The following TMTC4 variants were observed in gnomAD, a reference collection of about 807,000 sequenced individuals.
The protein encoded by TMTC4 is protein O-mannosyl-transferase TMTC4.
A neutral mutation model predicts 86.0 loss-of-function variants in TMTC4; 65 were observed. The ratio of observed to expected loss-of-function variants is 0.76; its 90% CI spans 0.62 to 0.93. The LOEUF (loss-of-function observed/expected upper bound fraction) is 0.93. TMTC4 is among the 40% of genes least tolerant of loss of function. The pLI, the probability that TMTC4 is intolerant of heterozygous loss-of-function variation, is 0.00. For missense variants in TMTC4, 866 were observed against 948.1 expected, an observed-to-expected ratio of 0.91 and a Z score of 1.14; for synonymous variants, 379 against 382.5, an observed-to-expected ratio of 0.99 and a Z score of 0.11.
intron 6 of TMTC4, 149 bp from the exon 7 acceptor site, chr13:100,642,460 G>A: frequency 1.3e-6 from 1 of 797,810 alleles, no homozygotes; most frequent in South Asian, 1.7e-5. Context: ...CTGTGGGCAA[G>A]AGTGCATTAG....
At chr13:100,620,422 T>C (rs1224049886) in intron 15 of TMTC4, among the ~76,000 whole-genome samples, 1 of 152,210 alleles carries the variant, frequency 6.6e-6, no homozygotes, top group Non-Finnish European at 1.5e-5. Flanking sequence ...GCTCCAGAGA[T>C]TGTAACCTCT....
chr13:100,613,846 C>A (rs950990927), intron 16 of TMTC4, among the ~76,000 whole-genome samples: 9 of 140,038 alleles, frequency 6.4e-5, no homozygotes, highest in African/African-American at 1.0e-4. Flanking sequence ...CCCGCCCCCC[C>A]CTTTTTTTTT....
At chr13:100,606,065 T>A (rs1876536353) in intron 18 of TMTC4, among the ~76,000 whole-genome samples, 1 of 152,188 alleles carries the variant, frequency 6.6e-6, no homozygotes, top group Admixed American at 6.5e-5. Flanking sequence ...AACCATAGCC[T>A]CATTCTCTTG....
rs184407252 is a variant in TMTC4 at position 100,633,223 on chromosome 13, C to T, written c.1506+1582G>A. Among the ~76,000 whole-genome samples the T allele has an allele frequency of 3.6e-3, 514 of 143,530 alleles. 6 individuals are homozygous for T. The highest frequency in any genetic ancestry group is 0.012 in the African/African-American group (464 of 39,178). 94.2% of individuals were successfully genotyped at this position (143,530 alleles called of 152,430 possible). A position where few individuals can be genotyped will look rare whatever the true frequency, so the allele number is the denominator to read the frequency against. On this transcript the variant is annotated intron_variant, in intron 12 of 18. Coordinates refer to ENST00000342624, the MANE Select transcript of TMTC4 (RefSeq NM_032813.5). ...ACTCGGGAGGCTGAGGCAGGAGAAT[C>T]GCTTGAACCTGGGAGGCGGAGGTTG...
intron 1 of TMTC4, chr13:100,674,408 G>C: frequency 1.1e-6 from 1 of 933,702 alleles, no homozygotes. Context: ...CCGGGCCGAG[G>C]GAGCGCCGGC....
Position 100,605,104 on chromosome 13 carries a change from T to C in TMTC4, c.2173A>G (p.Lys725Glu), listed in dbSNP as rs775331039. The C allele has an allele frequency of 4.4e-5, 71 of 1,613,602 alleles. No individual in the cohort carries two copies. The highest frequency in any genetic ancestry group is 5.9e-5 in the Non-Finnish European group (70 of 1,179,886). The change falls in exon 19 of 19, where the codon AAG (lysine) becomes GAG (glutamate). Residue 725 changes from lysine (K) to glutamate (E), a missense_variant. Coordinates refer to ENST00000342624, the MANE Select transcript of TMTC4 (RefSeq NM_032813.5). The surrounding 1 kb of genome is among the most constrained non-coding windows in gnomAD (Gnocchi z 4.3). Reference sequence around the variant, plus strand: ...TGCAAGGAGATTTCATAGTGTTTCTTGGCCAAGTCTAGATGTCCCCAACGA... The same window carrying C: ...TGCAAGGAGATTTCATAGTGTTTCTCGGCCAAGTCTAGATGTCCCCAACGA... ...YHRWGHLDLA[K>E]KHYEISLQLD...
chr13:100,616,004 GATTT>G (rs1288418025), intron 15 of TMTC4, among the ~76,000 whole-genome samples: 1 of 151,674 alleles, frequency 6.6e-6, no homozygotes, highest in Non-Finnish European at 1.5e-5. Flanking sequence ...TCTGTTCCTG[GATTT>G]ATTTCCTTAG....
intron 12 of TMTC4, 137 bp downstream of exon 12, chr13:100,634,668 C>T: frequency 1.9e-6 from 2 of 1,079,106 alleles, no homozygotes; most frequent in Non-Finnish European, 2.5e-6. Context: ...AAAAACCATA[C>T]ATAACAAAGA....
chr13:100,642,415 T>C, intron 6 of TMTC4, 104 bp from the exon 7 acceptor site: 2 of 1,306,336 alleles, frequency 1.5e-6, no homozygotes, highest in South Asian at 1.3e-5. Flanking sequence ...CAACCATAAC[T>C]TAAAAACAGG....
At chr13:100,668,987 G>C (rs1407564768) in intron 2 of TMTC4, among the ~76,000 whole-genome samples, 193 bp from the exon 3 acceptor site, 1 of 152,186 alleles carries the variant, frequency 6.6e-6, no homozygotes, top group Non-Finnish European at 1.5e-5. Context: ...AGATTCCTGG[G>C]TCCGACCACA....
chr13:100,636,518 G>A lies in TMTC4; in HGVS notation c.1202+14C>T. The stretch of plus-strand genomic sequence containing the variant: ...CAACCAGCGTGGAACTTAAGATTCA[G>A]TGCTGCCTCTTACCTTCTCTTGTGG... On this transcript the variant is annotated intron_variant, in intron 10 of 18. Coordinates refer to ENST00000342624, the MANE Select transcript of TMTC4 (RefSeq NM_032813.5). 6.2e-7 allele frequency: 1 copy of A among 1,614,062 alleles called. No individual in the cohort carries two copies. The highest frequency in any genetic ancestry group is 8.5e-7 in the Non-Finnish European group (1 of 1,180,014).
chr13:100,670,785 C>CAA, intron 1 of TMTC4: 1 of 163,018 alleles, frequency 6.1e-6, no homozygotes, highest in Non-Finnish European at 1.3e-5. Context: ...CCCGTGTCTA[C>CAA]AAAAAAAAAT....
chr13:100,655,431 A>G (rs1884983552), intron 6 of TMTC4, among the ~76,000 whole-genome samples: 1 of 152,162 alleles, frequency 6.6e-6, no homozygotes, highest in Non-Finnish European at 1.5e-5. Context: ...AGGAAGAACC[A>G]TTATCTGTAG....
At chr13:100,609,421 T>C (rs1313873342) in intron 17 of TMTC4, among the ~76,000 whole-genome samples, 2 of 152,176 alleles carry the variant, frequency 1.3e-5, no homozygotes, top group Non-Finnish European at 2.9e-5. Flanking sequence ...GTGACATAAA[T>C]GTCTGGAGCT....
chr13:100,613,617 A>T (rs2153023732), intron 16 of TMTC4, among the ~76,000 whole-genome samples: 1 of 152,274 alleles, frequency 6.6e-6, no homozygotes, highest in Admixed American at 6.5e-5. Flanking sequence ...AACACCCTAG[A>T]GGATGGCCAA....
At chr13:100,657,562 G>C (rs1190928124) in intron 5 of TMTC4, among the ~76,000 whole-genome samples, 1 of 152,164 alleles carries the variant, frequency 6.6e-6, no homozygotes, top group Non-Finnish European at 1.5e-5. Context: ...TTCCCCCCAG[G>C]GGTACTGGAC....
chr13:100,644,607 A>G (rs1416635401), intron 6 of TMTC4, among the ~76,000 whole-genome samples: 1 of 152,218 alleles, frequency 6.6e-6, no homozygotes, highest in Non-Finnish European at 1.5e-5. Flanking sequence ...GCAGCAGCAG[A>G]AAGTCTGGCC....
At chr13:100,655,016 A>ATTTTTTTT (rs35965658) in intron 6 of TMTC4, among the ~76,000 whole-genome samples, 5 of 118,656 alleles carry the variant, frequency 4.2e-5, no homozygotes, top group Non-Finnish European at 3.4e-5. Flanking sequence ...CACAACGCCT[A>ATTTTTTTT]TTTTTTTTTT....
At chr13:100,626,640 A>G (rs896070291) in intron 12 of TMTC4, among the ~76,000 whole-genome samples, 6 of 151,980 alleles carry the variant, frequency 3.9e-5, no homozygotes, top group Non-Finnish European at 8.8e-5. Flanking sequence ...TTTATCATCA[A>G]AACCTCAAAT....
Sources: gnomAD v4.1 joint callset for allele counts (sites outside exome capture counted in the v4.1 genomes callset) on GRCh38, gnomAD v4.1.1 for gene constraint, Gnocchi (gnomAD v3.1) non-coding constraint, MANE v1.5 for transcripts, NCBI Gene and HGNC (gene_info 2026-07-23, HGNC 2026-07-21) for gene names.